The following LDB3 variants were observed in gnomAD, a reference collection of about 807,000 sequenced individuals.
LDB3 encodes LIM domain binding 3.
A neutral mutation model predicts 69.0 loss-of-function variants in LDB3; 49 were observed. That is an observed-to-expected ratio of 0.71 (90% CI 0.56 to 0.90). The LOEUF is 0.90. Ranked by LOEUF, LDB3 falls within the 40% of genes least tolerant of loss-of-function variation. The probability of loss-of-function intolerance (pLI) is 0.00; values close to 1 mark genes in which losing one functional copy is unlikely to be tolerated. For missense variants in LDB3, 928 were observed against 974.1 expected (o/e 0.95, Z 0.63); for synonymous variants, 387 against 396.2 (o/e 0.98, Z 0.28).
At chr10:86,716,801 G>T in intron 10 of LDB3, 30 bp downstream of exon 10, 2 of 1,575,924 alleles carry the variant, frequency 1.3e-6, no homozygotes, top group South Asian at 2.3e-5. Context: ...CTGCACTGGG[G>T]CACTGGAAGG....
chr10:86,713,200 C>G (rs115462341), intron 9 of LDB3, among the ~76,000 whole-genome samples: 8,278 of 152,156 alleles, frequency 0.054, 345 homozygotes, highest in African/African-American at 0.12. Context: ...GCTCATCGGC[C>G]ACGTAGCACT....
chr10:86,707,606 G>A (rs1050933967), intron 8 of LDB3, among the ~76,000 whole-genome samples: 3 of 152,188 alleles, frequency 2.0e-5, no homozygotes, highest in East Asian at 3.9e-4. Flanking sequence ...AGTGTTTGGG[G>A]TCAGAGCCCA....
Position 86,716,641 on chromosome 10 carries a change from C to T in LDB3, c.1546C>T (p.Arg516Trp), listed in dbSNP as rs773327911. The T allele has an allele frequency of 3.7e-5, 59 of 1,613,668 alleles. No homozygotes were observed. The highest frequency in any genetic ancestry group is 5.5e-5 in the South Asian group (5 of 91,058). ...CTCCATCAGCAAGCAGACCCTGCCC[C>T]GGGGAGGCCCAGCCTACACCCCAGC... ...TTSISKQTLP[R>W]GGPAYTPAGP... Residue 516 changes from arginine to tryptophan, a missense_variant, in exon 10 of 14, where the codon CGG (arginine) becomes TGG (tryptophan). Arg to Trp is a moderately radical substitution (Grantham distance 101). Coordinates refer to ENST00000361373, the MANE Select transcript of LDB3 (RefSeq NM_007078.3).
At chr10:86,693,086 A>G (rs999342940) in intron 7 of LDB3, among the ~76,000 whole-genome samples, 14 of 151,938 alleles carry the variant, frequency 9.2e-5, no homozygotes, top group Admixed American at 4.6e-4. Context: ...TAGTTGCTGA[A>G]AAAAAAAGAA....
At chr10:86,667,972 G>T (rs777255089), upstream of LDB3, among the ~76,000 whole-genome samples, 24 of 152,194 alleles carry the variant, frequency 1.6e-4, no homozygotes, top group Non-Finnish European at 3.1e-4. Context: ...TCTCCTGCGG[G>T]CCCAGGTGGC....
chr10:86,668,336 T>TC, upstream of LDB3: 1 of 367,850 alleles, frequency 2.7e-6, no homozygotes. Flanking sequence ...TTCCCCTTCC[T>TC]CCCCCCTGGG....
chr10:86,726,365 T>A, intron 13 of LDB3, 113 bp downstream of exon 13: 1 of 791,252 alleles, frequency 1.3e-6, no homozygotes, highest in Non-Finnish European at 2.2e-6. Flanking sequence ...GACATCCTGA[T>A]CATTTTTAAA....
upstream of LDB3, among the ~76,000 whole-genome samples, chr10:86,667,997 C>T (rs967321118): frequency 7.0e-4 from 106 of 152,172 alleles, no homozygotes; most frequent in African/African-American, 2.4e-3. Flanking sequence ...TCTCAGGATC[C>T]CAGGGAGTGA....
chr10:86,675,596 G>A (rs912217200), intron 2 of LDB3, among the ~76,000 whole-genome samples: 2 of 152,212 alleles, frequency 1.3e-5, no homozygotes, highest in African/African-American at 4.8e-5. Context: ...GTCCTGCTGT[G>A]GGGGAGCCCC....
At chr10:86,668,367 C>G (rs983708065), upstream of LDB3, 7 of 428,236 alleles carry the variant, frequency 1.6e-5, no homozygotes, top group Non-Finnish European at 3.1e-5. Flanking sequence ...TGCCGGACAC[C>G]CCTCCCCAGG....
At chr10:86,698,091 C>G (rs1004176242) in intron 7 of LDB3, among the ~76,000 whole-genome samples, 1 of 152,210 alleles carries the variant, frequency 6.6e-6, no homozygotes, top group Non-Finnish European at 1.5e-5. Flanking sequence ...CCAGCACCCA[C>G]CCACCTCCTT....
chr10:86,735,865 G>A lies in LDB3; in HGVS notation c.*2889G>A, dbSNP rs904169118. ...TGCAGCTTATATCTGCAGTGTTTGT[G>A]TTAGGAACCTAGCTTTTATAATGTG... On this transcript the variant is annotated 3_prime_UTR_variant, in exon 14 of 14. Transcript: ENST00000361373. 3 of 150,748 alleles carry A rather than the reference G, an allele frequency of 2.0e-5. No individual in the cohort carries two copies. The highest frequency in any genetic ancestry group is 4.4e-5 in the Non-Finnish European group (3 of 67,814). 9.3% of individuals were successfully genotyped at this position (150,748 alleles called of 1,614,324 possible). A position where few individuals can be genotyped will look rare whatever the true frequency, so the allele number is the denominator to read the frequency against.
intron 9 of LDB3, chr10:86,710,411 G>A (rs1259576335): frequency 1.7e-5 from 4 of 230,976 alleles, no homozygotes; most frequent in Non-Finnish European, 2.8e-5. Flanking sequence ...CCAACATGGC[G>A]AAACCCCATC....
intron 9 of LDB3, among the ~76,000 whole-genome samples, chr10:86,713,316 G>C (rs945886081): frequency 6.6e-6 from 1 of 151,832 alleles, no homozygotes; most frequent in Non-Finnish European, 1.5e-5. Flanking sequence ...GCACGACTTC[G>C]ACTCACTGCA....
chr10:86,724,621 A>T (rs537603611), intron 12 of LDB3, among the ~76,000 whole-genome samples: 178 of 151,740 alleles, frequency 1.2e-3, no homozygotes, highest in African/African-American at 3.0e-3. Flanking sequence ...ATAAAAATAA[A>T]AAATAAATAA....
chr10:86,671,217 G>A (rs1406938563), intron 2 of LDB3, among the ~76,000 whole-genome samples: 2 of 152,182 alleles, frequency 1.3e-5, no homozygotes, highest in African/African-American at 2.4e-5. Flanking sequence ...GATGTCCATG[G>A]GTGGATCTCC....
At chr10:86,680,557 T>A (rs1051583843) in intron 4 of LDB3, among the ~76,000 whole-genome samples, 1 of 152,176 alleles carries the variant, frequency 6.6e-6, no homozygotes, top group Admixed American at 6.5e-5. Context: ...AGGCCCAGCT[T>A]GACGAGGACC....
rs374628211 is a variant in LDB3, at chr10:86,680,010, A to C, written c.246-72A>C. On this transcript the variant is annotated intron_variant, in intron 3 of 13. Transcript: ENST00000361373. ...GGCTCTCTCTTGCTCTCTCCTCACC[A>C]GCCCTGCCCAGGCAGGAGCTTCTGG... The C allele has an allele frequency of 4.0e-5, 54 of 1,346,532 alleles. No homozygotes were observed. The East Asian group carries it at 7.3e-4, about 18-fold the overall frequency. 83.4% of individuals were successfully genotyped at this position (1,346,532 alleles called of 1,614,324 possible).
At chr10:86,709,848 TGCA>T in intron 8 of LDB3, 54 bp from the exon 9 acceptor site, 1 of 1,590,848 alleles carries the variant, frequency 6.3e-7, no homozygotes, top group East Asian at 2.2e-5. Flanking sequence ...CTGCCTTGAC[TGCA>T]GGCCCCAGTG....
Sources: gnomAD v4.1 joint callset for allele counts (sites outside exome capture counted in the v4.1 genomes callset) on GRCh38, gnomAD v4.1.1 for gene constraint, MANE v1.5 for transcripts, NCBI Gene and HGNC (gene_info 2026-07-23, HGNC 2026-07-21) for gene names.